The following FRAS1 variants were observed in gnomAD, a reference collection of about 807,000 sequenced individuals.
FRAS1 encodes the protein Fraser extracellular matrix complex subunit 1.
Under a neutral mutation model 435.2 loss-of-function variants are expected in FRAS1, and 290 were observed. That is an observed-to-expected ratio of 0.67 (90% CI 0.61 to 0.73). FRAS1 has a LOEUF of 0.73. FRAS1 is among the 30% of genes least tolerant of loss of function. The probability of loss-of-function intolerance (pLI) is 0.00; values close to 1 mark genes in which losing one functional copy is unlikely to be tolerated. For missense variants in FRAS1, 4,860 were observed against 5,001.5 expected (o/e 0.97, Z 0.85); for synonymous variants, 1,800 against 1,851.0 (o/e 0.97, Z 0.71).
At chr4:78,129,148 G>A (rs1380880940) in intron 2 of FRAS1, among the ~76,000 whole-genome samples, 2 of 152,162 alleles carry the variant, frequency 1.3e-5, no homozygotes, top group Admixed American at 1.3e-4. Context: ...TGCTGTTTTG[G>A]TTACTGTAGC....
chr4:78,511,654 G>C, intron 64 of FRAS1, 148 bp downstream of exon 64: 1 of 731,264 alleles, frequency 1.4e-6, no homozygotes, highest in Non-Finnish European at 2.4e-6. Context: ...ATCTGTGAAG[G>C]TCCCTCAAGC....
chr4:78,269,955 T>C (rs1398656287), intron 9 of FRAS1, among the ~76,000 whole-genome samples: 2 of 152,136 alleles, frequency 1.3e-5, no homozygotes, highest in Non-Finnish European at 2.9e-5. Context: ...TGTTTCCTTT[T>C]CCAATGAGCA....
chr4:78,279,742 T>C (rs1727238222), intron 10 of FRAS1, among the ~76,000 whole-genome samples: 1 of 152,362 alleles, frequency 6.6e-6, no homozygotes, highest in Non-Finnish European at 1.5e-5. Flanking sequence ...TGTTGGGTAT[T>C]GGAATGTTGA....
rs1726409125 is a variant in FRAS1 at position 78,267,282 on chromosome 4, A to G, written c.831A>G (p.Glu277=). ...RARRHGQCCE[E]CVSPAGSCSY... ...GGCGTCATGGGCAATGCTGTGAGGA[A>G]TGTGTGTCTCCTGCCGGGAGCTGCT... The change falls in exon 9 of 74, where the codon GAA becomes GAG. Residue 277 remains glutamate, a synonymous_variant. Transcript: ENST00000512123. 6.2e-7 allele frequency: 1 copy of G among 1,613,586 alleles called. No homozygotes were observed. Among genetic ancestry groups the G allele is most frequent in the South Asian group, 1.1e-5 (1 of 91,008 alleles).
chr4:78,203,432 G>C (rs142539825), intron 2 of FRAS1, among the ~76,000 whole-genome samples: 56 of 152,234 alleles, frequency 3.7e-4, no homozygotes, highest in Admixed American at 1.0e-3. Flanking sequence ...CACTTTTGTG[G>C]CCATTTTTGG....
At chr4:78,467,358 G>A (rs1213034762) in intron 50 of FRAS1, among the ~76,000 whole-genome samples, 7 of 151,896 alleles carry the variant, frequency 4.6e-5, no homozygotes, top group African/African-American at 1.7e-4. Flanking sequence ...TTCACTTAAG[G>A]GAATGGCCTC....
At chr4:78,253,691 G>A (rs1725656482) in intron 5 of FRAS1, among the ~76,000 whole-genome samples, 2 of 152,146 alleles carry the variant, frequency 1.3e-5, no homozygotes, top group South Asian at 4.1e-4. Flanking sequence ...CAGTGTCCCA[G>A]AGAGTGAGAT....
intron 28 of FRAS1, among the ~76,000 whole-genome samples, chr4:78,386,313 C>T (rs1042955053): frequency 2.6e-5 from 4 of 152,110 alleles, no homozygotes; most frequent in African/African-American, 7.2e-5. Flanking sequence ...AAGTTAATTT[C>T]GTCTTTTCCA....
intron 26 of FRAS1, among the ~76,000 whole-genome samples, chr4:78,377,238 C>A (rs755975692): frequency 6.6e-6 from 1 of 152,112 alleles, no homozygotes; most frequent in Non-Finnish European, 1.5e-5. Context: ...ATCATATTTT[C>A]TGTCTCTATA....
At chr4:78,490,764 A>G (rs565844514) in intron 59 of FRAS1, among the ~76,000 whole-genome samples, 21 of 152,338 alleles carry the variant, frequency 1.4e-4, no homozygotes, top group Middle Eastern at 3.4e-3. Context: ...AAGAGCAAAC[A>G]AATTCAAAAG....
chr4:78,159,070 AC>A, intron 2 of FRAS1, among the ~76,000 whole-genome samples: 1 of 152,322 alleles, frequency 6.6e-6, no homozygotes, highest in Middle Eastern at 3.4e-3. Context: ...GCCATGTGTC[AC>A]ATATATTTGA....
chr4:78,452,298 T>C lies in FRAS1; in HGVS notation c.6707T>C (p.Ile2236Thr), dbSNP rs897805449. ...TDQDSGPTELIYRITRQPQLG... is the reference protein window; with the variant it reads ...TDQDSGPTELTYRITRQPQLG... ...CAGGACAGTGGGCCTACAGAATTGA[T>C]CTACAGAATCACCAGACAGCCCCAG... Residue 2236 changes from isoleucine (I) to threonine (T), a missense_variant, in exon 47 of 74, where the codon ATC (isoleucine) becomes ACC (threonine). Transcript: ENST00000512123. The C allele has an allele frequency of 6.2e-7, 1 of 1,612,748 alleles. No individual in the cohort carries two copies. The highest frequency in any genetic ancestry group is 8.5e-7 in the Non-Finnish European group (1 of 1,179,618).
chr4:78,388,028 C>T (rs935189718), intron 29 of FRAS1, among the ~76,000 whole-genome samples: 4 of 152,072 alleles, frequency 2.6e-5, no homozygotes, highest in Non-Finnish European at 5.9e-5. Context: ...ATCTGCCCCT[C>T]AAAAACAGCT....
intron 2 of FRAS1, among the ~76,000 whole-genome samples, chr4:78,103,712 A>G (rs1313200994): frequency 6.6e-6 from 1 of 152,192 alleles, no homozygotes; most frequent in African/African-American, 2.4e-5. Flanking sequence ...TCACCATGTG[A>G]GGACACAGTG....
At chr4:78,077,215 CA>C (rs1740679621) in intron 2 of FRAS1, among the ~76,000 whole-genome samples, 4 of 151,952 alleles carry the variant, frequency 2.6e-5, no homozygotes, top group Admixed American at 6.6e-5. Context: ...CACACACACA[CA>C]CACATTAGCT....
At chr4:78,150,997 C>T (rs1053922026) in intron 2 of FRAS1, among the ~76,000 whole-genome samples, 6 of 152,098 alleles carry the variant, frequency 3.9e-5, no homozygotes, top group South Asian at 2.1e-4. Flanking sequence ...TAAGTTTGGT[C>T]GGTCAGGACT....
intron 59 of FRAS1, 39 bp from the exon 60 acceptor site, chr4:78,496,766 T>C: frequency 4.5e-6 from 7 of 1,565,922 alleles, no homozygotes; most frequent in Non-Finnish European, 6.0e-6. Context: ...ACTGATATCT[T>C]GCTGAAAATT....
At chr4:78,131,670 C>T (rs1021179832) in intron 2 of FRAS1, among the ~76,000 whole-genome samples, 1 of 152,104 alleles carries the variant, frequency 6.6e-6, no homozygotes, top group African/African-American at 2.4e-5. Flanking sequence ...TGTGTCTCTC[C>T]GAGTGATTTT....
chr4:78,109,279 G>A (rs1478161529), intron 2 of FRAS1, among the ~76,000 whole-genome samples: 2 of 74,902 alleles, frequency 2.7e-5, no homozygotes, highest in African/African-American at 1.2e-4. Flanking sequence ...TACCAAAGCC[G>A]GGCAGAGACA....
Sources: gnomAD v4.1 joint callset for allele counts (sites outside exome capture counted in the v4.1 genomes callset) on GRCh38, gnomAD v4.1.1 for gene constraint, MANE v1.5 for transcripts, NCBI Gene and HGNC (gene_info 2026-07-23, HGNC 2026-07-21) for gene names.